The following SLC16A3 variants were observed in gnomAD, a reference collection of about 807,000 sequenced individuals.
SLC16A3 encodes the protein monocarboxylate transporter 4.
Under a neutral mutation model 25.0 loss-of-function variants are expected in SLC16A3, and 22 were observed. That is an observed-to-expected ratio of 0.88 (90% CI 0.63 to 1.26). SLC16A3 has a LOEUF of 1.26. Ranked by LOEUF, SLC16A3 falls within the 50% of genes most tolerant of loss-of-function variation. SLC16A3 has a pLI of 0.00. For synonymous variants in SLC16A3, 390 were observed against 309.2 expected (o/e 1.26, Z -2.74); for missense variants, 731 against 666.6 (o/e 1.10, Z -1.06).
chr17:82,227,943 G>T (rs772803543), upstream of SLC16A3, among the ~76,000 whole-genome samples: 1 of 152,184 alleles, frequency 6.6e-6, no homozygotes, highest in Non-Finnish European at 1.5e-5. Context: ...TGCAGATGGA[G>T]AGCCAAGGCC....
chr17:82,227,643 CCACCTGCCCTGGGCG>C (rs2050434071), upstream of SLC16A3, among the ~76,000 whole-genome samples: 9 of 23,370 alleles, frequency 3.9e-4, no homozygotes, highest in Admixed American at 7.2e-4. Context: ...GGCGGGAGCA[CCACCTGCCCTGGGCG>C]GGAGCACCAC....
At chr17:82,229,153 C>T (rs1159815997) in intron 1 of SLC16A3, 47 bp downstream of exon 1, 1 of 151,564 alleles carries the variant, frequency 6.6e-6, no homozygotes, top group East Asian at 2.0e-4. Flanking sequence ...CCCAGGAGCT[C>T]CCCCGTGCCG....
In SLC16A3 at chr17:82,237,865, G is replaced by A. The variant is rs745427477; in HGVS notation, c.1095G>A (p.Val365=). ...GCCTGGTGCTGCTGATGGAGGCGGTGGCCGTGCTCGTCGGGCCCCCTTCGG... is the reference window on the plus strand; with the variant it reads ...GCCTGGTGCTGCTGATGGAGGCGGTAGCCGTGCTCGTCGGGCCCCCTTCGG... ...AIGLVLLMEA[V]AVLVGPPSGG... Residue 365 remains valine (V), a synonymous_variant, in exon 4 of 5, where the codon GTG becomes GTA. Transcript: ENST00000582743. 3.1e-6 allele frequency: 5 copies of A among 1,601,908 alleles called. No homozygotes were observed. The highest frequency in any genetic ancestry group is 4.2e-6 in the Non-Finnish European group (5 of 1,179,766).
chr17:82,237,994 T>C, intron 4 of SLC16A3, 101 bp downstream of exon 4: 1 of 1,360,794 alleles, frequency 7.3e-7, no homozygotes, highest in Non-Finnish European at 1.0e-6. Flanking sequence ...CCACCCGCAG[T>C]GTGGGACTCA....
chr17:82,234,493 C>G (rs1228817810), intron 1 of SLC16A3: 2 of 152,294 alleles, frequency 1.3e-5, no homozygotes, highest in Non-Finnish European at 2.9e-5. Flanking sequence ...ATCCAGACAG[C>G]CACAGCTGGC....
intron 1 of SLC16A3, among the ~76,000 whole-genome samples, chr17:82,221,804 G>T (rs1032305481): frequency 6.6e-6 from 1 of 151,980 alleles, no homozygotes; most frequent in Non-Finnish European, 1.5e-5. Context: ...GGCAGGAGGC[G>T]GAGGCAGGAG....
Position 82,237,126 on chromosome 17 carries a change from C to A in SLC16A3, c.368-12C>A. Reference sequence around the variant, plus strand: ...GCCTTGGGGGGCTCTCACCACATTCCCTTTCCTCCAGGGTTGGGTTTGGCA... The same window carrying A: ...GCCTTGGGGGGCTCTCACCACATTCACTTTCCTCCAGGGTTGGGTTTGGCA... On this transcript the variant is annotated splice_polypyrimidine_tract_variant and intron_variant, in intron 3 of 4. Coordinates refer to ENST00000582743, the MANE Select transcript of SLC16A3 (RefSeq NM_004207.4). 1 of 1,497,182 alleles carries A rather than the reference C, an allele frequency of 6.7e-7. No individual in the cohort carries two copies. Among genetic ancestry groups the A allele is most frequent in the Non-Finnish European group, 8.9e-7 (1 of 1,121,622 alleles). 92.7% of individuals were successfully genotyped at this position (1,497,182 alleles called of 1,614,324 possible).
intron 3 of SLC16A3, 108 bp from the exon 4 acceptor site, chr17:82,237,030 G>A: frequency 1.4e-6 from 2 of 1,451,632 alleles, no homozygotes; most frequent in Non-Finnish European, 1.8e-6. Context: ...GGGTGGCAGG[G>A]GCTCTGCACC....
At chr17:82,228,799 G>A (rs1290165104), upstream of SLC16A3, among the ~76,000 whole-genome samples, 1 of 152,002 alleles carries the variant, frequency 6.6e-6, no homozygotes, top group Non-Finnish European at 1.5e-5. Flanking sequence ...GTCCCGAGGA[G>A]CAGAGGGGGC....
rs2050715348 is a variant in SLC16A3 at position 82,239,836 on chromosome 17, C to T, written c.*860C>T. ...GCAGTGTGCGTGGTGTGGTCAGTGC[C>T]CAGGGCTGGTCTTTGCACCCTGTCC... On this transcript the variant is annotated 3_prime_UTR_variant, in exon 5 of 5. Coordinates refer to ENST00000582743, the MANE Select transcript of SLC16A3 (RefSeq NM_004207.4). The T allele has an allele frequency of 4.5e-6, 2 of 440,894 alleles. No homozygotes were observed. The highest frequency in any genetic ancestry group is 8.8e-5 in the Admixed American group (2 of 22,694). 27.3% of individuals were successfully genotyped at this position (440,894 alleles called of 1,614,324 possible). A position where few individuals can be genotyped will look rare whatever the true frequency, so the allele number is the denominator to read the frequency against.
chr17:82,225,137 C>T (rs568659967), upstream of SLC16A3, among the ~76,000 whole-genome samples: 30 of 152,112 alleles, frequency 2.0e-4, no homozygotes, highest in Non-Finnish European at 3.2e-4. Flanking sequence ...TGGCAGGTGC[C>T]GGTAACCCCA....
chr17:82,238,666 G>T, intron 4 of SLC16A3, 36 bp from the exon 5 acceptor site: 1 of 1,578,564 alleles, frequency 6.3e-7, no homozygotes. Context: ...GGGGCAGCCC[G>T]CATGAGCGGC....
chr17:82,235,815 A>T, intron 1 of SLC16A3, 168 bp from the exon 2 acceptor site: 1 of 604,468 alleles, frequency 1.7e-6, no homozygotes, highest in Admixed American at 2.9e-5. Flanking sequence ...GCCTCCCTCC[A>T]AACCCTCCTG....
rs1201118199 is a variant in SLC16A3, at chr17:82,236,161, G to A, written c.153G>A (p.Gln51=). The change falls in exon 2 of 5, where the codon CAG becomes CAA. Residue 51 remains glutamine (Q), a synonymous_variant. Coordinates refer to ENST00000582743, the MANE Select transcript of SLC16A3 (RefSeq NM_004207.4). The stretch of plus-strand genomic sequence containing the variant: ...GTGTCTTCTTCAAGGAGCTCATACA[G>A]GAGTTTGGGATCGGCTACAGCGACA... ...AVSVFFKELI[Q]EFGIGYSDTA... The A allele has an allele frequency of 4.3e-6, 7 of 1,613,298 alleles. No homozygotes were observed. The highest frequency in any genetic ancestry group is 1.1e-5 in the South Asian group (1 of 91,088).
chr17:82,223,232 G>A (rs1435150659), intron 1 of SLC16A3, among the ~76,000 whole-genome samples: 1 of 152,108 alleles, frequency 6.6e-6, no homozygotes, highest in South Asian at 2.1e-4. Context: ...ACCCAGGCTG[G>A]AGTATAGTGT....
In SLC16A3 at chr17:82,236,085, T is replaced by TC. The variant is rs1198988969; in HGVS notation, c.78dup (p.Gly27ArgfsTer130). The TC allele has an allele frequency of 6.2e-7, 1 of 1,612,854 alleles. No individual in the cohort carries two copies. The highest frequency in any genetic ancestry group is 8.5e-7 in the Non-Finnish European group (1 of 1,179,924). Reference sequence around the variant, plus strand: ...GGCGGCTGGGGCTGGGCCGTGCTCTTCGGCTGTTTCGTCATCACTGGCTTC... The same window carrying TC: ...GGCGGCTGGGGCTGGGCCGTGCTCTTCCGGCTGTTTCGTCATCACTGGCTTC... On this transcript the variant is annotated frameshift_variant, in exon 2 of 5. Transcript: ENST00000582743. LOFTEE classifies it high-confidence loss of function.
chr17:82,219,662 G>A lies in SLC16A3; in HGVS notation c.-27+1478G>A, dbSNP rs866658651. On this transcript the variant is annotated intron_variant, in intron 1 of 4. Coordinates refer to the SLC16A3 transcript ENST00000580098. ...GACTGCTCCCCCACTGCTTGGCCCCGCCTCTCAGTCTCGGACTTGGGGAGG... is the reference window on the plus strand; with the variant it reads ...GACTGCTCCCCCACTGCTTGGCCCCACCTCTCAGTCTCGGACTTGGGGAGG... Among the ~76,000 whole-genome samples, 8 of 152,092 alleles carry A rather than the reference G, an allele frequency of 5.3e-5. No individual in the cohort carries two copies. In the South Asian group the frequency reaches 6.2e-4, roughly 12 times the overall value.
rs1480336285 is a variant in SLC16A3, at chr17:82,239,098, C to T, written c.*122C>T. 1.1e-5 allele frequency: 10 copies of T among 940,402 alleles called. No individual in the cohort carries two copies. The highest frequency in any genetic ancestry group is 3.5e-4 in the Middle Eastern group (1 of 2,884). 58.3% of individuals were successfully genotyped at this position (940,402 alleles called of 1,614,324 possible). A position where few individuals can be genotyped will look rare whatever the true frequency, so the allele number is the denominator to read the frequency against. ...GGCTGGGCTCCAGCTGCCGGCCCAG[C>T]GGATCGTCGCCCGATCAGTGTTTTG... On this transcript the variant is annotated 3_prime_UTR_variant, in exon 5 of 5. Coordinates refer to ENST00000582743, the MANE Select transcript of SLC16A3 (RefSeq NM_004207.4).
At chr17:82,222,067 C>CGT (rs1568529219) in intron 1 of SLC16A3, among the ~76,000 whole-genome samples, 13 of 150,320 alleles carry the variant, frequency 8.6e-5, no homozygotes, top group Admixed American at 2.6e-4. Context: ...TGGACAGGAG[C>CGT]CTCGCCCTGG....
Sources: gnomAD v4.1 joint callset for allele counts (sites outside exome capture counted in the v4.1 genomes callset) on GRCh38, gnomAD v4.1.1 for gene constraint, MANE v1.5 for transcripts, NCBI Gene and HGNC (gene_info 2026-07-23, HGNC 2026-07-21) for gene names.